MYO16: variants seen among roughly 807,000 people sequenced by gnomAD.
MYO16 encodes myosin XVI, also known as unconventional myosin-XVI.
Under a neutral mutation model 205.3 loss-of-function variants are expected in MYO16, and 94 were observed. That is an observed-to-expected ratio of 0.46 (90% CI 0.39 to 0.54). The LOEUF (loss-of-function observed/expected upper bound fraction) is 0.54, where lower values mean the gene tolerates loss of function less well. Ranked by LOEUF, MYO16 falls within the 20% of genes least tolerant of loss-of-function variation. MYO16 has a pLI of 0.00. For synonymous variants in MYO16, 988 were observed against 954.0 expected (o/e 1.04, Z -0.66); for missense variants, 2,315 against 2,387.5 (o/e 0.97, Z 0.63).
chr13:108,616,405 T>G (rs1405714234), intron 1 of MYO16, among the ~76,000 whole-genome samples: 2 of 152,158 alleles, frequency 1.3e-5, no homozygotes, highest in African/African-American at 4.8e-5. Flanking sequence ...TTCACCATCG[T>G]AGTCTATGCT....
At chr13:109,173,839 G>T (rs1195159861) in intron 33 of MYO16, among the ~76,000 whole-genome samples, 1 of 127,690 alleles carries the variant, frequency 7.8e-6, no homozygotes, top group Non-Finnish European at 1.6e-5. Flanking sequence ...AGTGAGCCGA[G>T]ATCGCGCCAC....
At position 108,750,286 on chromosome 13, in the gene MYO16, G is replaced by T. The variant is rs1885190834; in HGVS notation, c.507+22703G>T. On this transcript the variant is annotated intron_variant, in intron 4 of 34. Coordinates refer to ENST00000457511, the MANE Select transcript of MYO16 (RefSeq NM_001198950.3). The stretch of plus-strand genomic sequence containing the variant: ...AAAACAATCATTTAGGCTGTCCTGG[G>T]ATCCAAAGATGGAATACAGAATTTG... 2.6e-5 allele frequency among the ~76,000 whole-genome samples: 4 copies of T among 152,174 alleles called. No individual in the cohort carries two copies. In the South Asian group the frequency reaches 6.2e-4, roughly 24 times the overall value.
At chr13:108,634,544 G>A (rs1880137091) in intron 1 of MYO16, among the ~76,000 whole-genome samples, 1 of 152,088 alleles carries the variant, frequency 6.6e-6, no homozygotes, top group Non-Finnish European at 1.5e-5. Flanking sequence ...GTCATACCTT[G>A]AAACGATTGC....
chr13:109,061,548 G>A (rs142301230), intron 27 of MYO16, among the ~76,000 whole-genome samples: 157 of 152,158 alleles, frequency 1.0e-3, no homozygotes, highest in African/African-American at 3.8e-3. Context: ...AGAGAGGTGG[G>A]GGAACACTTG....
chr13:108,795,668 C>T (rs1886769446), intron 6 of MYO16, among the ~76,000 whole-genome samples: 1 of 152,058 alleles, frequency 6.6e-6, no homozygotes, highest in African/African-American at 2.4e-5. Context: ...ATTCAAATGG[C>T]AAAAGCATTC....
At chr13:108,872,107 G>A (rs144220312) in intron 12 of MYO16, among the ~76,000 whole-genome samples, 4 of 152,284 alleles carry the variant, frequency 2.6e-5, no homozygotes, top group Admixed American at 1.3e-4. Flanking sequence ...AGGGGTGGGA[G>A]GGGAAAGAGA....
intron 16 of MYO16, among the ~76,000 whole-genome samples, chr13:108,948,321 C>T (rs1331922222): frequency 6.6e-6 from 1 of 152,200 alleles, no homozygotes; most frequent in Non-Finnish European, 1.5e-5. Context: ...TTTGTATTCG[C>T]ACAGCAGATA....
intron 5 of MYO16, among the ~76,000 whole-genome samples, chr13:108,787,700 G>GA (rs1886500624): frequency 6.6e-6 from 1 of 152,228 alleles, no homozygotes; most frequent in Non-Finnish European, 1.5e-5. Flanking sequence ...ATGGCTGGTA[G>GA]AAAATCTGTC....
At chr13:109,014,207 CATTT>C (rs571749619) in intron 22 of MYO16, among the ~76,000 whole-genome samples, 46 of 152,290 alleles carry the variant, frequency 3.0e-4, no homozygotes, top group African/African-American at 1.0e-3. Context: ...TTCCCAGCAC[CATTT>C]ATTAAATAGG....
At chr13:109,024,282 G>A (rs1314417120) in intron 23 of MYO16, among the ~76,000 whole-genome samples, 1 of 151,580 alleles carries the variant, frequency 6.6e-6, no homozygotes, top group Non-Finnish European at 1.5e-5. Context: ...TTACAATGAG[G>A]TATGATGATT....
chr13:108,576,272 T>G, the MYO16 span, among the ~76,000 whole-genome samples: 1 of 152,180 alleles, frequency 6.6e-6, no homozygotes, highest in African/African-American at 2.4e-5. Flanking sequence ...GGAGGAATCC[T>G]CACTTAGCCA....
intron 9 of MYO16, among the ~76,000 whole-genome samples, chr13:108,839,623 G>C (rs1012775137): frequency 2.6e-5 from 4 of 152,114 alleles, no homozygotes; most frequent in Non-Finnish European, 4.4e-5. Context: ...AATGTTTGTT[G>C]CTTGCTCAAA....
chr13:108,848,308 C>T (rs1359805006), intron 10 of MYO16, among the ~76,000 whole-genome samples: 2 of 152,138 alleles, frequency 1.3e-5, no homozygotes, highest in Non-Finnish European at 2.9e-5. Context: ...TTATACTTTT[C>T]AATGTAAATG....
At chr13:108,663,246 A>G (rs1881582280) in intron 1 of MYO16, among the ~76,000 whole-genome samples, 1 of 152,012 alleles carries the variant, frequency 6.6e-6, no homozygotes. Flanking sequence ...CGCAGCTGCA[A>G]TCCAGTCCTG....
chr13:108,679,243 T>G (rs905535554), intron 2 of MYO16, among the ~76,000 whole-genome samples: 1 of 152,318 alleles, frequency 6.6e-6, no homozygotes, highest in Non-Finnish European at 1.5e-5. Context: ...TGTTGCCTAA[T>G]CAGTGAGGCT....
intron 15 of MYO16, among the ~76,000 whole-genome samples, chr13:108,901,671 A>G (rs1419267820): frequency 2.0e-5 from 3 of 152,170 alleles, no homozygotes; most frequent in African/African-American, 7.2e-5. Context: ...TTGTTCCCCT[A>G]ATTAACATCC....
At chr13:109,123,260 A>G (rs928786539) in intron 29 of MYO16, among the ~76,000 whole-genome samples, 17 of 152,250 alleles carry the variant, frequency 1.1e-4, no homozygotes, top group African/African-American at 4.1e-4. Flanking sequence ...ATGAAGTGTG[A>G]GAAAATGAGG....
chr13:108,769,511 G>A (rs1204280244), intron 4 of MYO16, among the ~76,000 whole-genome samples: 1 of 152,120 alleles, frequency 6.6e-6, no homozygotes, highest in Non-Finnish European at 1.5e-5. Flanking sequence ...GAGAGGGGGA[G>A]GCAATGAAAA....
chr13:108,871,358 GTGTGTC>G (rs1190280815), intron 12 of MYO16, among the ~76,000 whole-genome samples: 12 of 135,292 alleles, frequency 8.9e-5, no homozygotes, highest in Admixed American at 8.0e-4. Context: ...GTGTGTGTGT[GTGTGTC>G]TGTGTGTTGG....
Sources: gnomAD v4.1 joint callset for allele counts (sites outside exome capture counted in the v4.1 genomes callset) on GRCh38, gnomAD v4.1.1 for gene constraint, MANE v1.5 for transcripts, NCBI Gene and HGNC (gene_info 2026-07-23, HGNC 2026-07-21) for gene names.